RNF214: variants seen among roughly 807,000 people sequenced by gnomAD.
RNF214 encodes ring finger protein 214.
RNF214 carries 25 observed loss-of-function variants against 75.9 expected under a neutral mutation model. That is an observed-to-expected ratio of 0.33 (90% CI 0.24 to 0.46). The LOEUF (loss-of-function observed/expected upper bound fraction) is 0.46, where lower values mean the gene tolerates loss of function less well. Among genes scored for constraint, RNF214 ranks in the 20% least tolerant of loss-of-function variants. The pLI is 1.00. For missense variants in RNF214, 725 were observed against 857.5 expected, an observed-to-expected ratio of 0.85 and a Z score of 1.93; for synonymous variants, 314 against 308.8, an observed-to-expected ratio of 1.02 and a Z score of -0.18.
intron 6 of RNF214, among the ~76,000 whole-genome samples, chr11:117,277,715 T>C (rs1259046902): frequency 6.6e-6 from 1 of 152,224 alleles, no homozygotes; most frequent in Non-Finnish European, 1.5e-5. Context: ...CTCACGCCTA[T>C]AATCCCAGCA....
At chr11:117,251,384 CCCCCCCACCTCCCT>C in intron 6 of RNF214, among the ~76,000 whole-genome samples, 3 of 132,112 alleles carry the variant, frequency 2.3e-5, no homozygotes, top group Non-Finnish European at 3.3e-5. Flanking sequence ...GGGGGGCTGA[CCCCCCCACCTCCCT>C]CCCGGACGGG....
intron 6 of RNF214, among the ~76,000 whole-genome samples, chr11:117,247,883 AAAAC>A (rs1224161636): frequency 4.6e-5 from 7 of 151,912 alleles, no homozygotes; most frequent in Non-Finnish European, 7.4e-5. Context: ...AAAACAAAAA[AAAAC>A]AAAGTTCAGA....
chr11:117,244,541 A>G lies in RNF214; in HGVS notation c.775A>G (p.Lys259Glu). ...QVENQLQVQL[K>E]QLQQRREEEM... Reference sequence around the variant, plus strand: ...GGAGAATCAGCTCCAAGTGCAATTAAAGCAGCTTCAGCAAAGGAGAGAAGA... The same window carrying G: ...GGAGAATCAGCTCCAAGTGCAATTAGAGCAGCTTCAGCAAAGGAGAGAAGA... The change falls in exon 5 of 15, where the codon AAG (lysine) becomes GAG (glutamate). Residue 259 changes from lysine (K) to glutamate (E), a missense_variant. Physicochemically the swap from Lys to Glu is moderately conservative, Grantham distance 56. Coordinates refer to ENST00000300650, the MANE Select transcript of RNF214 (RefSeq NM_207343.4). 2.5e-6 allele frequency: 4 copies of G among 1,612,866 alleles called. No individual in the cohort carries two copies. Among genetic ancestry groups the G allele is most frequent in the Non-Finnish European group, 3.4e-6 (4 of 1,179,528 alleles).
intron 1 of RNF214, among the ~76,000 whole-genome samples, chr11:117,233,029 C>G (rs1334080194): frequency 6.6e-6 from 1 of 152,118 alleles, no homozygotes; most frequent in African/African-American, 2.4e-5. Flanking sequence ...CCCCCATTGT[C>G]CCCTTCCCGT....
At position 117,281,716 on chromosome 11, in the gene RNF214, G is replaced by A. The variant is rs762739881; in HGVS notation, c.1335+18G>A. The A allele has an allele frequency of 2.5e-6, 4 of 1,592,728 alleles. No individual in the cohort carries two copies. Among genetic ancestry groups the A allele is most frequent in the African/African-American group, 2.7e-5 (2 of 74,488 alleles). On this transcript the variant is annotated intron_variant, in intron 10 of 14. Coordinates refer to ENST00000300650, the MANE Select transcript of RNF214 (RefSeq NM_207343.4). Reference sequence around the variant, plus strand: ...CATCAGAGGTAAGAGAGTGGCTTTGGGGGGAAGTTCACCTTTCTGTGTTGG... The same window carrying A: ...CATCAGAGGTAAGAGAGTGGCTTTGAGGGGAAGTTCACCTTTCTGTGTTGG...
At chr11:117,248,916 G>A (rs1049371808) in intron 6 of RNF214, among the ~76,000 whole-genome samples, 1 of 151,982 alleles carries the variant, frequency 6.6e-6, no homozygotes, top group African/African-American at 2.4e-5. Context: ...TCCTTTTGAT[G>A]TGTGTTCTTT....
intron 2 of RNF214, among the ~76,000 whole-genome samples, chr11:117,237,184 G>A (rs1325848346): frequency 6.6e-6 from 1 of 152,168 alleles, no homozygotes; most frequent in African/African-American, 2.4e-5. Context: ...GGCTTAAGCA[G>A]TCCTCTCACT....
intron 4 of RNF214, among the ~76,000 whole-genome samples, chr11:117,242,764 G>T (rs1202117348): frequency 1.3e-5 from 2 of 152,236 alleles, no homozygotes; most frequent in African/African-American, 4.8e-5. Context: ...GAGGCAGAGA[G>T]AATTGCTTGA....
In RNF214 at chr11:117,261,217, A is replaced by G. The variant is rs547933413; in HGVS notation, c.959+14269A>G. Among the ~76,000 whole-genome samples, 43 of 152,246 alleles carry G rather than the reference A, an allele frequency of 2.8e-4. No individual in the cohort carries two copies. The South Asian group carries it at 8.1e-3, about 29-fold the overall frequency. On this transcript the variant is annotated intron_variant, in intron 6 of 14. Transcript: ENST00000300650. ...TGTCAAATAGAAGAAGTTACATTCT[A>G]TTTCTAATTATCTGAGACTTATTAA...
intron 6 of RNF214, among the ~76,000 whole-genome samples, chr11:117,256,846 T>C (rs971923484): frequency 6.6e-6 from 1 of 152,228 alleles, no homozygotes; most frequent in Non-Finnish European, 1.5e-5. Flanking sequence ...GACTTGCTAC[T>C]ACAGCAAGTA....
At chr11:117,253,957 A>G (rs989619668) in intron 6 of RNF214, among the ~76,000 whole-genome samples, 2 of 152,020 alleles carry the variant, frequency 1.3e-5, no homozygotes, top group Admixed American at 6.6e-5. Context: ...TGGGTGTAAT[A>G]TAAGAGTCTA....
chr11:117,282,825 T>C lies in RNF214; in HGVS notation c.1925T>C (p.Val642Ala), dbSNP rs1438632470. The change falls in exon 13 of 15, where the codon GTT becomes GCT. Residue 642 changes from valine to alanine, a missense_variant. Around this residue, in one of 2 missense-constraint regions of RNF214, gnomAD observed 363 missense variants for 513.0 expected, o/e 0.71. Transcript: ENST00000300650. ...CCAATGTTCTTGCCTTCTGCCCAAG[T>C]TTCATATCCTGGAAGGTCTTCACAT... ...STPMFLPSAQ[V>A]SYPGRSSHAP... The C allele has an allele frequency of 6.2e-7, 1 of 1,613,950 alleles. No homozygotes were observed. Among genetic ancestry groups the C allele is most frequent in the Admixed American group, 1.7e-5 (1 of 60,018 alleles).
At chr11:117,234,461 T>C (rs2032844974) in intron 2 of RNF214, 82 bp downstream of exon 2, 2 of 928,236 alleles carry the variant, frequency 2.2e-6, no homozygotes, top group Non-Finnish European at 3.6e-6. Context: ...TCTTTCTTTT[T>C]GGCTCTGATG....
At chr11:117,247,856 C>CAAAAAAAAAA (rs769342396) in intron 6 of RNF214, among the ~76,000 whole-genome samples, 1 of 60,152 alleles carries the variant, frequency 1.7e-5, no homozygotes. Context: ...GACCCTGTCT[C>CAAAAAAAAAA]AAAAAAAAAA....
intron 6 of RNF214, among the ~76,000 whole-genome samples, chr11:117,262,709 G>T (rs1359676849): frequency 6.7e-6 from 1 of 149,848 alleles, no homozygotes; most frequent in Non-Finnish European, 1.5e-5. Context: ...GAGGAACGTT[G>T]TGTGTGTGTG....
At chr11:117,281,055 A>T (rs975293729) in intron 8 of RNF214, among the ~76,000 whole-genome samples, 1 of 144,824 alleles carries the variant, frequency 6.9e-6, no homozygotes, top group Admixed American at 7.1e-5. Flanking sequence ...GCTCACTGCA[A>T]CCTCCATCTC....
In RNF214 at chr11:117,285,218, T is replaced by C. The variant is rs2034228796; in HGVS notation, c.*67T>C. 8.6e-6 allele frequency: 9 copies of C among 1,041,882 alleles called. No individual in the cohort carries two copies. The South Asian group carries it at 1.1e-4, about 13-fold the overall frequency. 64.5% of individuals were successfully genotyped at this position (1,041,882 alleles called of 1,614,324 possible). ...ACAGGAAGCGCGGGTTCAAGATTTC[T>C]AAAACTCTATATTTATACAGTGACA... On this transcript the variant is annotated 3_prime_UTR_variant, in exon 15 of 15. Transcript: ENST00000300650.
chr11:117,241,486 A>G lies in RNF214; in HGVS notation c.678+1626A>G, dbSNP rs559583053. Among the ~76,000 whole-genome samples, 38 of 151,960 alleles carry G rather than the reference A, an allele frequency of 2.5e-4. No homozygotes were observed. In the South Asian group the frequency reaches 7.9e-3, roughly 32 times the overall value. On this transcript the variant is annotated intron_variant, in intron 4 of 14. Coordinates refer to ENST00000300650, the MANE Select transcript of RNF214 (RefSeq NM_207343.4). ...TCCTAGCTACTCAGGAGGGTGAGGC[A>G]GGAGAATTGCTTGAACCCGGGAGGT...
chr11:117,243,427 T>G (rs1218941417), intron 4 of RNF214, among the ~76,000 whole-genome samples: 4 of 152,202 alleles, frequency 2.6e-5, no homozygotes, highest in African/African-American at 4.8e-5. Flanking sequence ...ATTACAGGCG[T>G]GAGCCACTGC....
Sources: allele counts gnomAD v4.1 joint callset (sites outside exome capture counted in the v4.1 genomes callset), GRCh38; gene constraint gnomAD v4.1.1; regional missense constraint gnomAD v4.1.1; transcripts MANE v1.5; gene names NCBI Gene and HGNC (gene_info 2026-07-23, HGNC 2026-07-21).